Variants in SLC44A5 observed in about 807,000 individuals in gnomAD.
The protein encoded by SLC44A5 is solute carrier family 44 member 5.
Under a neutral mutation model 101.8 loss-of-function variants are expected in SLC44A5, and 57 were observed. That is an observed-to-expected ratio of 0.56 (90% CI 0.45 to 0.70). The LOEUF (loss-of-function observed/expected upper bound fraction) is 0.70. SLC44A5 is among the 30% of genes least tolerant of loss of function. The pLI is 0.00. For missense variants in SLC44A5, 737 were observed against 853.1 expected (o/e 0.86, Z 1.70); for synonymous variants, 281 against 290.9 (o/e 0.97, Z 0.35).
the SLC44A5 span, among the ~76,000 whole-genome samples, chr1:75,719,806 CA>C: frequency 1.3e-5 from 2 of 152,140 alleles, no homozygotes; most frequent in Non-Finnish European, 2.9e-5. Flanking sequence ...CGAAGCCTGT[CA>C]ATCTCCCTTG....
intron 3 of SLC44A5, among the ~76,000 whole-genome samples, chr1:75,372,407 A>C (rs1003575782): frequency 6.6e-6 from 1 of 152,174 alleles, no homozygotes. Context: ...TTACAGGAGA[A>C]TATTTTAATC....
At chr1:75,498,834 G>A (rs1668801904) in intron 2 of SLC44A5, among the ~76,000 whole-genome samples, 1 of 152,156 alleles carries the variant, frequency 6.6e-6, no homozygotes, top group African/African-American at 2.4e-5. Context: ...AGAATTGTAT[G>A]CAATATATTG....
chr1:75,620,750 A>C, the SLC44A5 span, among the ~76,000 whole-genome samples: 1 of 152,144 alleles, frequency 6.6e-6, no homozygotes, highest in African/African-American at 2.4e-5. Context: ...AGATGGATAG[A>C]TAGCAAAAAT....
At chr1:75,353,853 A>G (rs1339484259) in intron 3 of SLC44A5, 2 of 169,142 alleles carry the variant, frequency 1.2e-5, no homozygotes, top group East Asian at 3.5e-4. Flanking sequence ...TATTTCTGCC[A>G]GTAGTCATTC....
intron 2 of SLC44A5, among the ~76,000 whole-genome samples, chr1:75,409,779 A>C (rs910897430): frequency 6.6e-6 from 1 of 152,144 alleles, no homozygotes; most frequent in African/African-American, 2.4e-5. Context: ...ACAGATGGTC[A>C]TTGATAATTA....
At chr1:75,619,120 G>GGGAGGAAGGGAGAGCGGGAA in the SLC44A5 span, among the ~76,000 whole-genome samples, 1 of 149,364 alleles carries the variant, frequency 6.7e-6, no homozygotes, top group Non-Finnish European at 1.5e-5. Flanking sequence ...AAGAAGGGGA[G>GGGAGGAAGGGAGAGCGGGAA]GGAGGAAGGG....
intron 3 of SLC44A5, among the ~76,000 whole-genome samples, chr1:75,375,988 T>C (rs1490206135): frequency 8.5e-5 from 13 of 152,140 alleles, no homozygotes; most frequent in Middle Eastern, 3.2e-3. Context: ...GTGCACCGTG[T>C]GCGAGCCGAA....
At chr1:75,234,806 T>C (rs1432204652) in intron 11 of SLC44A5, among the ~76,000 whole-genome samples, 1 of 152,060 alleles carries the variant, frequency 6.6e-6, no homozygotes, top group Admixed American at 6.6e-5. Context: ...AATTTCTTCT[T>C]AGAGCTTGAC....
At chr1:75,682,848 C>A in the SLC44A5 span, among the ~76,000 whole-genome samples, 1 of 152,220 alleles carries the variant, frequency 6.6e-6, no homozygotes, top group Admixed American at 6.5e-5. Context: ...ATTTTCGCAA[C>A]CTACTCATCT....
At chr1:75,229,086 C>G (rs1221616280) in intron 12 of SLC44A5, among the ~76,000 whole-genome samples, 1 of 151,716 alleles carries the variant, frequency 6.6e-6, no homozygotes. Flanking sequence ...AATCATTCTC[C>G]TTCTTCTGTC....
intron 2 of SLC44A5, among the ~76,000 whole-genome samples, chr1:75,441,628 C>T (rs1312682799): frequency 6.6e-6 from 1 of 151,918 alleles, no homozygotes; most frequent in African/African-American, 2.4e-5. Context: ...TACATAATTA[C>T]ATTGTGTACA....
chr1:75,272,663 C>T (rs1302330671), intron 6 of SLC44A5, among the ~76,000 whole-genome samples: 3 of 151,890 alleles, frequency 2.0e-5, no homozygotes, highest in South Asian at 2.1e-4. Flanking sequence ...CCCCAATTTA[C>T]GTTTTGTATG....
At chr1:75,699,604 A>G in the SLC44A5 span, among the ~76,000 whole-genome samples, 1 of 151,984 alleles carries the variant, frequency 6.6e-6, no homozygotes, top group Admixed American at 6.6e-5. Context: ...TTAACGAAAA[A>G]AAAAAAAAAC....
intron 13 of SLC44A5, among the ~76,000 whole-genome samples, chr1:75,227,404 T>G (rs1647227743): frequency 6.6e-6 from 1 of 151,592 alleles, no homozygotes; most frequent in Non-Finnish European, 1.5e-5. Context: ...AATAAAAAGT[T>G]TGAAAAATCA....
chr1:75,322,184 T>A lies in SLC44A5; in HGVS notation c.101+17398A>T, dbSNP rs546937676. 4.6e-5 allele frequency among the ~76,000 whole-genome samples: 7 copies of A among 152,190 alleles called. No homozygotes were observed. The East Asian group carries it at 1.4e-3, about 29-fold the overall frequency. On this transcript the variant is annotated intron_variant, in intron 4 of 23. Coordinates refer to ENST00000370859, the MANE Select transcript of SLC44A5 (RefSeq NM_001130058.2). Reference sequence around the variant, plus strand: ...AAAATTAGCCTGGTGTGGTGGCACATGCCTGTAGTCCCAGCTACTCTGGAG... The same window carrying A: ...AAAATTAGCCTGGTGTGGTGGCACAAGCCTGTAGTCCCAGCTACTCTGGAG...
chr1:75,485,758 T>C (rs1668117657), intron 2 of SLC44A5, among the ~76,000 whole-genome samples: 1 of 152,042 alleles, frequency 6.6e-6, no homozygotes. Context: ...AGAAAATAGG[T>C]TTAATTGCCT....
chr1:75,638,497 G>A, the SLC44A5 span, among the ~76,000 whole-genome samples: 2 of 152,052 alleles, frequency 1.3e-5, no homozygotes, highest in Non-Finnish European at 1.5e-5. Flanking sequence ...TTATAGTGAG[G>A]AAAGTGGTGC....
intron 1 of SLC44A5, chr1:75,582,355 G>T: frequency 8.9e-7 from 1 of 1,120,594 alleles, no homozygotes; most frequent in Non-Finnish European, 1.3e-6. Flanking sequence ...AGATCCCAAA[G>T]GGTGTCAGCC....
At chr1:75,613,580 A>G (rs1418585984), upstream of SLC44A5, among the ~76,000 whole-genome samples, 1 of 152,280 alleles carries the variant, frequency 6.6e-6, no homozygotes. Flanking sequence ...AACAAGAACA[A>G]CTCAACACAA....
Sources: gnomAD v4.1 joint callset for allele counts (sites outside exome capture counted in the v4.1 genomes callset) on GRCh38, gnomAD v4.1.1 for gene constraint, MANE v1.5 for transcripts, NCBI Gene and HGNC (gene_info 2026-07-23, HGNC 2026-07-21) for gene names.